Variants in PHACTR1 observed in about 807,000 individuals in gnomAD.
PHACTR1 encodes the protein RPEL repeat containing 1.
In PHACTR1, 16 loss-of-function variants were observed where a neutral mutation model predicts 69.2. The ratio of observed to expected loss-of-function variants is 0.23; its 90% confidence interval spans 0.16 to 0.35. The LOEUF is 0.35. Ranked by LOEUF, PHACTR1 falls within the 10% of genes least tolerant of loss-of-function variation. The probability of loss-of-function intolerance (pLI) is 1.00; values close to 1 mark genes in which losing one functional copy is unlikely to be tolerated. For missense variants in PHACTR1, 510 were observed against 734.7 expected (o/e 0.69, Z 3.54); for synonymous variants, 312 against 284.5 (o/e 1.10, Z -0.97).
Position 13,283,684 on chromosome 6 carries a change from G to T in PHACTR1, c.1650+122G>T. 1 of 1,449,604 alleles carries T rather than the reference G, an allele frequency of 6.9e-7. No individual in the cohort carries two copies. The highest frequency in any genetic ancestry group is 9.6e-7 in the Non-Finnish European group (1 of 1,045,180). The allele number at this position is 1,449,604 out of a possible 1,614,324, so 89.8% of individuals were successfully genotyped here. On this transcript the variant is annotated intron_variant, in intron 13 of 14. Coordinates refer to ENST00000332995, the MANE Select transcript of PHACTR1 (RefSeq NM_030948.6). This position sits in a 1 kb window ranked among gnomAD's most constrained non-coding sequence, Gnocchi z 4.7. ...GGCCTCAGCCGCAGTCCCCATAATGGAGTGTTGAGACCCCAACACCTTTCC... is the reference window on the plus strand; with the variant it reads ...GGCCTCAGCCGCAGTCCCCATAATGTAGTGTTGAGACCCCAACACCTTTCC...
rs9463148 is a variant in PHACTR1, at chr6:12,808,012, T to C, written c.250+58222T>C. ...ACAGTCAGTAAGTGTAATCTAGAGA[T>C]TGAATTTTCCACTTAGTCTACTGGA... On this transcript the variant is annotated intron_variant, in intron 4 of 14. Coordinates refer to ENST00000332995, the MANE Select transcript of PHACTR1 (RefSeq NM_030948.6). Among the ~76,000 whole-genome samples the C allele has an allele frequency of 6.9e-3, 1,048 of 152,336 alleles. 14 individuals are homozygous for C. The highest frequency in any genetic ancestry group is 0.023 in the African/African-American group (959 of 41,568).
intron 4 of PHACTR1, among the ~76,000 whole-genome samples, chr6:12,909,242 G>T (rs1355442701): frequency 1.3e-5 from 2 of 152,150 alleles, no homozygotes; most frequent in East Asian, 3.9e-4. Context: ...CATGTTGATG[G>T]AAACTAGTGA....
chr6:12,994,322 T>C (rs569214844), intron 4 of PHACTR1, among the ~76,000 whole-genome samples: 187 of 152,122 alleles, frequency 1.2e-3, no homozygotes, highest in Non-Finnish European at 2.1e-3. Flanking sequence ...AGGTGGGATT[T>C]TTCCCCCCCT....
At chr6:12,959,072 G>A (rs1209015031) in intron 4 of PHACTR1, among the ~76,000 whole-genome samples, 2 of 151,010 alleles carry the variant, frequency 1.3e-5, no homozygotes, top group Non-Finnish European at 2.9e-5. Flanking sequence ...AGCTACTGGG[G>A]AGCCTGTGGC....
intron 4 of PHACTR1, among the ~76,000 whole-genome samples, chr6:12,893,570 C>A (rs1353706438): frequency 6.6e-6 from 1 of 152,060 alleles, no homozygotes; most frequent in African/African-American, 2.4e-5. Context: ...CTTCCTCCTC[C>A]CTTGGACCTG....
rs763158389 is a variant in PHACTR1, at chr6:13,053,374, T to C, written c.260T>C (p.Val87Ala). ...TCTTGGAAATAACAAGCTGAGGAAG[T>C]GGAGAGGCTGGCGGCGATGCGTTCT... ...ISFNLGAAEEVERLAAMRSDS... is the reference protein window; with the variant it reads ...ISFNLGAAEEAERLAAMRSDS... Residue 87 changes from valine (V) to alanine (A), a missense_variant, in exon 5 of 15, where the codon GTG (valine) becomes GCG (alanine). Around this residue, in one of 2 missense-constraint regions of PHACTR1, gnomAD observed 419 missense variants for 530.9 expected, o/e 0.79. Transcript: ENST00000332995. 1 of 1,602,842 alleles carries C rather than the reference T, an allele frequency of 6.2e-7. No homozygotes were observed. The highest frequency in any genetic ancestry group is 8.5e-7 in the Non-Finnish European group (1 of 1,174,124).
intron 4 of PHACTR1, among the ~76,000 whole-genome samples, chr6:13,029,235 A>T (rs763210420): frequency 3.3e-5 from 5 of 152,218 alleles, no homozygotes; most frequent in African/African-American, 1.2e-4. Flanking sequence ...TTGAAAGAAC[A>T]TCAGGTAAGA....
At chr6:13,078,597 G>A (rs9473429) in intron 5 of PHACTR1, among the ~76,000 whole-genome samples, 22,512 of 152,146 alleles carry the variant, frequency 0.15, 5,426 homozygotes, top group African/African-American at 0.51. Flanking sequence ...TTTGCGAGCA[G>A]TTCATTATTA....
At chr6:12,797,187 A>G (rs1004954530) in intron 4 of PHACTR1, among the ~76,000 whole-genome samples, 1 of 152,114 alleles carries the variant, frequency 6.6e-6, no homozygotes, top group Non-Finnish European at 1.5e-5. Flanking sequence ...GATTGATAAC[A>G]TGAAAACCCC....
At chr6:13,160,120 G>T in intron 5 of PHACTR1, 84 bp from the exon 6 acceptor site, 1 of 1,146,188 alleles carries the variant, frequency 8.7e-7, no homozygotes, top group Non-Finnish European at 1.3e-6. Context: ...ATGTTACATT[G>T]CCATATGTGT....
intron 3 of PHACTR1, among the ~76,000 whole-genome samples, chr6:12,741,260 T>C (rs2127585355): frequency 6.6e-6 from 1 of 152,202 alleles, no homozygotes; most frequent in Non-Finnish European, 1.5e-5. Flanking sequence ...TATTCTTTTG[T>C]GATTAGTGAT....
At chr6:13,234,017 T>G (rs1771623450) in intron 10 of PHACTR1, among the ~76,000 whole-genome samples, 1 of 152,250 alleles carries the variant, frequency 6.6e-6, no homozygotes, top group Non-Finnish European at 1.5e-5. Flanking sequence ...ATCAGGCAGA[T>G]AGGCCATATC....
intron 4 of PHACTR1, among the ~76,000 whole-genome samples, chr6:12,894,020 T>C (rs759168871): frequency 1.3e-5 from 2 of 152,230 alleles, no homozygotes; most frequent in African/African-American, 4.8e-5. Flanking sequence ...CATCACCCAC[T>C]GGCTGACTGT....
chr6:12,786,545 A>G (rs935056013), intron 4 of PHACTR1, among the ~76,000 whole-genome samples: 1 of 152,224 alleles, frequency 6.6e-6, no homozygotes, highest in Admixed American at 6.5e-5. Context: ...GGTTGTGCCT[A>G]TGTGCTTCAG....
At chr6:12,733,049 T>C (rs1476102177) in intron 3 of PHACTR1, among the ~76,000 whole-genome samples, 2 of 152,230 alleles carry the variant, frequency 1.3e-5, no homozygotes, top group South Asian at 2.1e-4. Flanking sequence ...TCTTCCTTCT[T>C]AGACTCATAC....
intron 4 of PHACTR1, chr6:12,934,118 T>C: frequency 2.6e-6 from 2 of 763,756 alleles, no homozygotes; most frequent in Non-Finnish European, 3.9e-6. Flanking sequence ...TTCCAGCTTC[T>C]GGCAGCAGTT....
At chr6:12,721,950 G>C (rs945227760) in intron 3 of PHACTR1, among the ~76,000 whole-genome samples, 1 of 152,196 alleles carries the variant, frequency 6.6e-6, no homozygotes, top group African/African-American at 2.4e-5. Context: ...AGTGAAGGAG[G>C]GCAAGCTGGC....
Position 13,227,948 on chromosome 6 carries a change from T to A in PHACTR1, c.1119T>A (p.Asp373Glu), listed in dbSNP as rs746275251. The change falls in exon 9 of 15, where the codon GAT (aspartate) becomes GAA (glutamate). Residue 373 changes from aspartate to glutamate, a missense_variant. Asp to Glu is a conservative substitution (Grantham distance 45, BLOSUM62 2). Around this residue, in one of 2 missense-constraint regions of PHACTR1, gnomAD observed 419 missense variants for 530.9 expected, o/e 0.79. Transcript: ENST00000332995. ...RQVPTVVIEC[D>E]DNKENVPHES... is the part of the protein sequence containing the mutation. ...TGCCAACTGTTGTGATTGAATGTGATGACAATAAAGAAAATGTGCCTCATG... is the reference window on the plus strand; with the variant it reads ...TGCCAACTGTTGTGATTGAATGTGAAGACAATAAAGAAAATGTGCCTCATG... 1.2e-6 allele frequency: 2 copies of A among 1,613,872 alleles called. No homozygotes were observed. Among genetic ancestry groups the A allele is most frequent in the South Asian group, 2.2e-5 (2 of 91,086 alleles).
chr6:12,906,016 T>G (rs1294077233), intron 4 of PHACTR1, among the ~76,000 whole-genome samples: 1 of 152,224 alleles, frequency 6.6e-6, no homozygotes, highest in African/African-American at 2.4e-5. Context: ...ACTTTATTTC[T>G]GCTTTTCTAT....
Sources: allele counts gnomAD v4.1 joint callset (sites outside exome capture counted in the v4.1 genomes callset), GRCh38; gene constraint gnomAD v4.1.1; regional missense constraint gnomAD v4.1.1; non-coding constraint Gnocchi (gnomAD v3.1); transcripts MANE v1.5; gene names NCBI Gene and HGNC (gene_info 2026-07-23, HGNC 2026-07-21).